KANK1: variants seen among roughly 807,000 people sequenced by gnomAD.
KANK1 encodes the protein KN motif and ankyrin repeat domains 1.
KANK1 carries 109 observed loss-of-function variants against 106.2 expected under a neutral mutation model. The observed-to-expected ratio is 1.03, with a 90% confidence interval of 0.88 to 1.20. KANK1 has a LOEUF of 1.20. Among genes scored for constraint, KANK1 ranks in the 50% most tolerant of loss-of-function variants. The pLI, the probability that KANK1 is intolerant of heterozygous loss-of-function variation, is 0.00. For synonymous variants in KANK1, 873 were observed against 652.2 expected (o/e 1.34, Z -5.16); for missense variants, 2,399 against 1,710.7 (o/e 1.40, Z -7.10).
intron 10 of KANK1, among the ~76,000 whole-genome samples, chr9:742,878 G>A (rs1190269205): frequency 2.6e-5 from 4 of 152,206 alleles, no homozygotes; most frequent in African/African-American, 9.7e-5. Flanking sequence ...AGTAGCTTGT[G>A]ACACAACATA....
chr9:621,489 G>GA (rs1338669561), intron 1 of KANK1, among the ~76,000 whole-genome samples: 4 of 152,146 alleles, frequency 2.6e-5, no homozygotes, highest in Non-Finnish European at 5.9e-5. Context: ...ATTACTGCGG[G>GA]AAAAAACCAC....
At chr9:562,042 C>CT (rs34419752) in intron 1 of KANK1, among the ~76,000 whole-genome samples, 12,065 of 104,810 alleles carry the variant, frequency 0.12, 1,421 homozygotes, top group African/African-American at 0.18. Context: ...ATTGCATTTT[C>CT]TTTTTTTTTT....
chr9:493,305 A>G (rs2058407370), intron 3 of KANK1, among the ~76,000 whole-genome samples: 1 of 152,098 alleles, frequency 6.6e-6, no homozygotes, highest in African/African-American at 2.4e-5. Context: ...TCACGTGACA[A>G]ACCTTTTGCC....
intron 1 of KANK1, among the ~76,000 whole-genome samples, chr9:596,241 T>G (rs1449215315): frequency 6.6e-6 from 1 of 151,878 alleles, no homozygotes; most frequent in Non-Finnish European, 1.5e-5. Context: ...ATTTTTGGAT[T>G]AAGGACGTTC....
At chr9:726,448 G>T (rs1830658980) in intron 3 of KANK1, among the ~76,000 whole-genome samples, 2 of 152,142 alleles carry the variant, frequency 1.3e-5, no homozygotes, top group Admixed American at 6.5e-5. Flanking sequence ...AGTCCAACCT[G>T]GCCAACATGG....
chr9:675,818 A>C (rs952327581), intron 1 of KANK1, among the ~76,000 whole-genome samples: 2 of 152,226 alleles, frequency 1.3e-5, no homozygotes, highest in Non-Finnish European at 2.9e-5. Flanking sequence ...GCAGGAGCGT[A>C]GGCTGCTCAA....
rs2132443833 is a variant in KANK1, at chr9:745,725, C to T, written c.*490C>T. On this transcript the variant is annotated 3_prime_UTR_variant, in exon 12 of 12. Coordinates refer to ENST00000382297, the MANE Select transcript of KANK1 (RefSeq NM_015158.5). ...GACTTTGATCATTGGTAACTTGGGCCTGGGCCAGACAAAGTATAAAACTTA... is the reference window on the plus strand; with the variant it reads ...GACTTTGATCATTGGTAACTTGGGCTTGGGCCAGACAAAGTATAAAACTTA... The T allele has an allele frequency of 6.6e-6, 1 of 152,652 alleles. No homozygotes were observed. The highest frequency in any genetic ancestry group is 6.5e-5 in the Admixed American group (1 of 15,306). 9.5% of individuals were successfully genotyped at this position (152,652 alleles called of 1,614,324 possible). A position where few individuals can be genotyped will look rare whatever the true frequency, so the allele number is the denominator to read the frequency against.
At chr9:476,172 A>G (rs1311145235) in intron 3 of KANK1, among the ~76,000 whole-genome samples, 1 of 151,418 alleles carries the variant, frequency 6.6e-6, no homozygotes, top group Non-Finnish European at 1.5e-5. Flanking sequence ...TTAGAAAACT[A>G]AACTACAAGG....
At chr9:594,252 G>A (rs1825685763) in intron 1 of KANK1, among the ~76,000 whole-genome samples, 1 of 151,952 alleles carries the variant, frequency 6.6e-6, no homozygotes, top group South Asian at 2.1e-4. Context: ...AATAAAATGT[G>A]AAGTCACAAA....
At chr9:633,401 T>A (rs1033264998) in intron 1 of KANK1, among the ~76,000 whole-genome samples, 1 of 152,116 alleles carries the variant, frequency 6.6e-6, no homozygotes, top group Non-Finnish European at 1.5e-5. Context: ...GAGGTTGCAG[T>A]GAGCCGTGAT....
At chr9:722,070 T>C (rs1413448726) in intron 3 of KANK1, among the ~76,000 whole-genome samples, 1 of 152,248 alleles carries the variant, frequency 6.6e-6, no homozygotes, top group Non-Finnish European at 1.5e-5. Flanking sequence ...TGACTCCGTC[T>C]TACTTCTGAC....
At chr9:555,629 G>T (rs1209192193) in intron 1 of KANK1, among the ~76,000 whole-genome samples, 1 of 152,156 alleles carries the variant, frequency 6.6e-6, no homozygotes, top group Non-Finnish European at 1.5e-5. Context: ...CTGTAAAAGC[G>T]TAAGATTCCC....
chr9:589,356 T>G lies in KANK1; in HGVS notation c.-84+84602T>G, dbSNP rs113928207. On this transcript the variant is annotated intron_variant, in intron 1 of 11. Coordinates refer to ENST00000382297, the MANE Select transcript of KANK1 (RefSeq NM_015158.5). ...ACTGTAAATACTTACTCTTGATGCT[T>G]CATAACATCATGATAAGCTAAGGAG... is the stretch of plus-strand genomic sequence containing the variant. 6.1e-3 allele frequency among the ~76,000 whole-genome samples: 935 copies of G among 152,252 alleles called. 9 individuals are homozygous for G. Among genetic ancestry groups the G allele is most frequent in the Middle Eastern group, 0.031 (9 of 294 alleles).
In KANK1 at chr9:742,286, G is replaced by C. The variant is rs377520639; in HGVS notation, c.3778G>C (p.Val1260Leu). 2.3e-5 allele frequency: 37 copies of C among 1,614,064 alleles called. No homozygotes were observed. The highest frequency in any genetic ancestry group is 2.8e-5 in the Non-Finnish European group (33 of 1,180,034). ...VKGLLACGAD[V>L]NIQDDEGSTA... ...GGGCCTTCTGGCCTGTGGGGCTGAT[G>C]TCAACATCCAGGATGACGAGGGCTC... Residue 1260 changes from valine (V) to leucine (L), a missense_variant, in exon 10 of 12, where the codon GTC becomes CTC. Val to Leu is a conservative substitution (Grantham distance 32, BLOSUM62 1). Coordinates refer to ENST00000382297, the MANE Select transcript of KANK1 (RefSeq NM_015158.5).
chr9:695,315 A>T (rs144532810), intron 2 of KANK1, among the ~76,000 whole-genome samples: 38 of 152,232 alleles, frequency 2.5e-4, no homozygotes, highest in African/African-American at 9.2e-4. Context: ...CTTTGCCCTC[A>T]TGTTGTGAGA....
chr9:500,414 C>G (rs1164112490), upstream of KANK1, among the ~76,000 whole-genome samples: 3 of 152,146 alleles, frequency 2.0e-5, no homozygotes, highest in Non-Finnish European at 4.4e-5. Context: ...CACTCTGAAC[C>G]ACTCATTAAC....
At chr9:663,809 G>A (rs1162435760) in intron 1 of KANK1, among the ~76,000 whole-genome samples, 2 of 152,170 alleles carry the variant, frequency 1.3e-5, no homozygotes, top group Admixed American at 6.5e-5. Context: ...TGGCAGTGCA[G>A]CCCTTGTGTA....
rs552185049 is a variant in KANK1, at chr9:732,848, C to G, written c.3245+231C>G. The G allele has an allele frequency of 2.6e-5, 10 of 382,050 alleles. No homozygotes were observed. The South Asian group carries it at 3.0e-4, about 12-fold the overall frequency. The allele number at this position is 382,050 out of a possible 1,614,324, so 23.7% of individuals were successfully genotyped here. A position where few individuals can be genotyped will look rare whatever the true frequency, so the allele number is the denominator to read the frequency against. ...ACCCTTGTTTTCTGAAACCTTAACT[C>G]TGCTATATAATTTAACATATGGAAC... On this transcript the variant is annotated intron_variant, in intron 6 of 11. Transcript: ENST00000382297.
chr9:586,484 C>T (rs527934129), intron 1 of KANK1, among the ~76,000 whole-genome samples: 1 of 151,992 alleles, frequency 6.6e-6, no homozygotes, highest in Non-Finnish European at 1.5e-5. Flanking sequence ...GCTGGACATT[C>T]GGGGAAAGTG....
Sources: allele counts gnomAD v4.1 joint callset (sites outside exome capture counted in the v4.1 genomes callset), GRCh38; gene constraint gnomAD v4.1.1; transcripts MANE v1.5; gene names NCBI Gene and HGNC (gene_info 2026-07-23, HGNC 2026-07-21).